Variants in DAW1 observed in about 807,000 individuals in gnomAD.
The protein encoded by DAW1 is dynein assembly factor with WD repeat domains 1.
Under a neutral mutation model 56.5 loss-of-function variants are expected in DAW1, and 47 were observed. The ratio of observed to expected loss-of-function variants is 0.83; its 90% CI spans 0.66 to 1.06. DAW1 has a LOEUF of 1.06. Among genes scored for constraint, DAW1 ranks in the 50% least tolerant of loss-of-function variants. The pLI is 0.00. For synonymous variants in DAW1, 190 were observed against 179.0 expected (o/e 1.06, Z -0.49); for missense variants, 505 against 499.3 (o/e 1.01, Z -0.11).
intron 11 of DAW1, 73 bp from the exon 12 acceptor site, chr2:227,921,326 T>A: frequency 1.3e-6 from 1 of 753,422 alleles, no homozygotes; most frequent in African/African-American, 1.9e-5. Context: ...TTTTTTTTTT[T>A]TTTTTTTGCT....
Position 227,906,247 on chromosome 2 carries a change from T to C in DAW1, c.767T>C (p.Ile256Thr), listed in dbSNP as rs1384541652. 6.2e-7 allele frequency: 1 copy of C among 1,611,608 alleles called. No individual in the cohort carries two copies. ...TTTTTGTGTTGTAGGAAGGTAAATA[T>C]CTTAATTGGTCATTGTGCTGAGATT... ...WDADTGRKVNILIGHCAEISS... is the reference protein window; with the variant it reads ...WDADTGRKVNTLIGHCAEISS... Residue 256 changes from isoleucine to threonine, a missense_variant, in exon 9 of 13, where the codon ATC becomes ACC. Ile to Thr is a moderately conservative substitution (Grantham distance 89). Transcript: ENST00000309931.
At chr2:227,901,259 T>G (rs1261102693) in intron 6 of DAW1, among the ~76,000 whole-genome samples, 2 of 152,208 alleles carry the variant, frequency 1.3e-5, no homozygotes, top group African/African-American at 4.8e-5. Flanking sequence ...CCTGATTTTG[T>G]GTTTGCATGA....
chr2:227,886,344 T>C (rs1625487), intron 2 of DAW1, among the ~76,000 whole-genome samples: 130,405 of 152,098 alleles, frequency 0.86, 56,019 homozygotes, highest in Middle Eastern at 0.96. Context: ...TAGCTGGGCG[T>C]GGTTGCTCAC....
At chr2:227,890,030 G>T (rs1282721731) in intron 3 of DAW1, 30 bp downstream of exon 3, 2 of 1,473,528 alleles carry the variant, frequency 1.4e-6, no homozygotes, top group East Asian at 5.1e-5. Flanking sequence ...TCAGATAGAA[G>T]AATTTCAGTG....
rs1164387930 is a variant in DAW1 at position 227,919,907 on chromosome 2, C to T, written c.1050+1051C>T. ...GGAACTCCGCCCCAGGCTGTACTCT[C>T]GGCCTTTCTGCTTCTGCACCTACAG... On this transcript the variant is annotated intron_variant, in intron 11 of 12. Transcript: ENST00000309931. Among the ~76,000 whole-genome samples the T allele has an allele frequency of 2.0e-5, 3 of 152,348 alleles. No individual in the cohort carries two copies. In the South Asian group the frequency reaches 6.2e-4, roughly 32 times the overall value.
rs775785515 is a variant in DAW1, at chr2:227,871,740, G to A, written c.40+11G>A. The A allele has an allele frequency of 1.3e-5, 21 of 1,613,788 alleles. No homozygotes were observed. The South Asian group carries it at 2.3e-4, about 18-fold the overall frequency. ...GGTATTACCCGCCAGGTACGCACCAGCCCGGCCCCGTCATCCCCACGTGGG... is the reference window on the plus strand; with the variant it reads ...GGTATTACCCGCCAGGTACGCACCAACCCGGCCCCGTCATCCCCACGTGGG... On this transcript the variant is annotated intron_variant, in intron 1 of 12. Transcript: ENST00000309931.
chr2:227,882,233 G>T (rs560775138), intron 1 of DAW1, among the ~76,000 whole-genome samples: 1 of 152,322 alleles, frequency 6.6e-6, no homozygotes, highest in Admixed American at 6.5e-5. Flanking sequence ...AACACTTTCA[G>T]CAGGGTCTCA....
Position 227,891,308 on chromosome 2 carries a change from C to A in DAW1, c.312C>A (p.Gly104=). 1 of 1,613,042 alleles carries A rather than the reference C, an allele frequency of 6.2e-7. No individual in the cohort carries two copies. Among genetic ancestry groups the A allele is most frequent in the Non-Finnish European group, 8.5e-7 (1 of 1,179,504 alleles). ...PLTNVALNKS[G]SCFITGSYDR... Reference sequence around the variant, plus strand: ...CTAATGTTGCACTTAACAAATCGGGCTCATGGTAAGATTCTCTTTTTATGT... The same window carrying A: ...CTAATGTTGCACTTAACAAATCGGGATCATGGTAAGATTCTCTTTTTATGT... Residue 104 remains glycine (G), a synonymous_variant, in exon 4 of 13, where the codon GGC becomes GGA. Coordinates refer to ENST00000309931, the MANE Select transcript of DAW1 (RefSeq NM_178821.3).
chr2:227,902,091 G>A (rs562935726), intron 6 of DAW1, among the ~76,000 whole-genome samples: 1 of 152,264 alleles, frequency 6.6e-6, no homozygotes, highest in South Asian at 2.1e-4. Flanking sequence ...GTGGGGAACA[G>A]GAGAATGTAT....
intron 2 of DAW1, among the ~76,000 whole-genome samples, chr2:227,885,975 C>CTT (rs10655811): frequency 0.32 from 42,049 of 131,638 alleles, 7,435 homozygotes; most frequent in Admixed American, 0.42. Flanking sequence ...TTTTTCTTTC[C>CTT]TTTTTTTTTT....
At chr2:227,916,246 A>G (rs1297267010) in intron 10 of DAW1, among the ~76,000 whole-genome samples, 5 of 152,156 alleles carry the variant, frequency 3.3e-5, no homozygotes. Context: ...ATTAATTTAT[A>G]CTATGTTTAC....
chr2:227,907,673 G>A (rs111472437), intron 10 of DAW1, among the ~76,000 whole-genome samples: 32 of 152,148 alleles, frequency 2.1e-4, no homozygotes, highest in African/African-American at 7.2e-4. Context: ...TCAGCCTCCC[G>A]AGTAGCTGGG....
chr2:227,871,727 C>G lies in DAW1; in HGVS notation c.38C>G (p.Pro13Arg). 6.2e-7 allele frequency: 1 copy of G among 1,613,970 alleles called. No homozygotes were observed. ...AGCCTCCTGCTCCGGTATTACCCGCCAGGTACGCACCAGCCCGGCCCCGTC... is the reference window on the plus strand; with the variant it reads ...AGCCTCCTGCTCCGGTATTACCCGCGAGGTACGCACCAGCCCGGCCCCGTC... ...LKSLLLRYYP[P>R]GIMLEYEKHG... Residue 13 changes from proline to arginine, a missense_variant and splice_region_variant, in exon 1 of 13, where the codon CCA becomes CGA. Physicochemically the swap from Pro to Arg is moderately radical, Grantham distance 103 (BLOSUM62 -2). Coordinates refer to ENST00000309931, the MANE Select transcript of DAW1 (RefSeq NM_178821.3).
In DAW1 at chr2:227,898,826, C is replaced by T. The variant is rs139798752; in HGVS notation, c.540+545C>T. On this transcript the variant is annotated intron_variant, in intron 6 of 12. Transcript: ENST00000309931. ...GTATCCTACATTGACTAAGTAGACA[C>T]GTAATATGATAAATTTATAAATATA... is the stretch of plus-strand genomic sequence containing the variant. 1.3e-3 allele frequency among the ~76,000 whole-genome samples: 201 copies of T among 152,136 alleles called. 1 individual carries two copies. The highest frequency in any genetic ancestry group is 4.2e-3 in the African/African-American group (174 of 41,508).
At chr2:227,896,470 G>T (rs1691408182) in intron 5 of DAW1, among the ~76,000 whole-genome samples, 1 of 152,100 alleles carries the variant, frequency 6.6e-6, no homozygotes. Flanking sequence ...AAACCCACGT[G>T]TCCAATCAGT....
chr2:227,918,761 C>G lies in DAW1; in HGVS notation c.974-19C>G, dbSNP rs556589504. 23 of 1,613,088 alleles carry G rather than the reference C, an allele frequency of 1.4e-5. No homozygotes were observed. Among genetic ancestry groups the G allele is most frequent in the Non-Finnish European group, 1.9e-5 (22 of 1,179,326 alleles). ...GTATTTAAGATGAATTTATATATAT[C>G]CCCACCCCTCTCAAAAAGGAACAGC... On this transcript the variant is annotated intron_variant, in intron 10 of 12. Transcript: ENST00000309931.
In DAW1 at chr2:227,920,969, G is replaced by A. The variant is rs369710108; in HGVS notation, c.1051-430G>A. Among the ~76,000 whole-genome samples, 395 of 152,176 alleles carry A rather than the reference G, an allele frequency of 2.6e-3. 2 individuals carry two copies. The highest frequency in any genetic ancestry group is 8.8e-3 in the African/African-American group (367 of 41,518). ...GCTGGGATTACGGTCCTGAGCCACC[G>A]CCCCTGGCCCGGATCTGTGTGCTTT... On this transcript the variant is annotated intron_variant, in intron 11 of 12. Coordinates refer to ENST00000309931, the MANE Select transcript of DAW1 (RefSeq NM_178821.3).
At chr2:227,871,859 C>CAGG in intron 1 of DAW1, 130 bp downstream of exon 1, 1 of 1,147,020 alleles carries the variant, frequency 8.7e-7, no homozygotes, top group Non-Finnish European at 1.3e-6. Flanking sequence ...AAGTCGGGCA[C>CAGG]TTCCCAACCT....
intron 10 of DAW1, among the ~76,000 whole-genome samples, chr2:227,909,232 T>TC (rs370779273): frequency 1.9e-4 from 26 of 138,878 alleles, no homozygotes; most frequent in African/African-American, 6.2e-4. Flanking sequence ...GGTGGTGATA[T>TC]TATCTATCTA....
Sources: allele counts gnomAD v4.1 joint callset (sites outside exome capture counted in the v4.1 genomes callset), GRCh38; gene constraint gnomAD v4.1.1; transcripts MANE v1.5; gene names NCBI Gene and HGNC (gene_info 2026-07-23, HGNC 2026-07-21).